The following EPHA5 variants were observed in gnomAD, a reference collection of about 807,000 sequenced individuals.
EPHA5 encodes the protein EPH receptor A5.
A neutral mutation model predicts 105.0 loss-of-function variants in EPHA5; 60 were observed. The ratio of observed to expected loss-of-function variants is 0.57; its 90% CI spans 0.46 to 0.71. EPHA5 has a LOEUF of 0.71. EPHA5 is among the 30% of genes least tolerant of loss of function. The pLI is 0.00. For missense variants in EPHA5, 1,218 were observed against 1,274.7 expected (o/e 0.96, Z 0.68); for synonymous variants, 513 against 449.1 (o/e 1.14, Z -1.80).
At position 65,669,856 on chromosome 4, in the gene EPHA5, A is replaced by T; in HGVS notation, c.-114T>A. The T allele has an allele frequency of 8.1e-7, 1 of 1,227,792 alleles. No individual in the cohort carries two copies. Among genetic ancestry groups the T allele is most frequent in the Non-Finnish European group, 1.0e-6 (1 of 984,852 alleles). 76.1% of individuals were successfully genotyped at this position (1,227,792 alleles called of 1,614,324 possible). On this transcript the variant is annotated 5_prime_UTR_variant, in exon 1 of 17. Transcript: ENST00000613740. ...CCTCCTTGTCCCCCCTTGGGGTCCT[A>T]CGCCTTCTGGCACGCGGCTCCTCCA... is the stretch of plus-strand genomic sequence containing the variant.
At chr4:65,596,493 CAAACAAA>C (rs1018502935) in intron 3 of EPHA5, among the ~76,000 whole-genome samples, 2 of 151,826 alleles carry the variant, frequency 1.3e-5, no homozygotes, top group African/African-American at 2.4e-5. Context: ...AAAAAACAAA[CAAACAAA>C]AAACAAAAAA....
At chr4:65,540,808 G>T (rs1736750652) in intron 3 of EPHA5, among the ~76,000 whole-genome samples, 1 of 147,466 alleles carries the variant, frequency 6.8e-6, no homozygotes. Context: ...TTAATGGTAT[G>T]AGTTTCAGAG....
intron 16 of EPHA5, chr4:65,331,185 G>T: frequency 9.7e-7 from 1 of 1,027,344 alleles, no homozygotes; most frequent in Non-Finnish European, 1.2e-6. Context: ...ATATTCACAG[G>T]TTAAAACATT....
chr4:65,513,719 C>CT (rs1342357630), intron 3 of EPHA5, among the ~76,000 whole-genome samples: 1 of 152,064 alleles, frequency 6.6e-6, no homozygotes, highest in Non-Finnish European at 1.5e-5. Context: ...AAATCTTTCA[C>CT]TTTTTTTGTG....
At chr4:65,514,422 G>A (rs1408458488) in intron 3 of EPHA5, among the ~76,000 whole-genome samples, 1 of 152,140 alleles carries the variant, frequency 6.6e-6, no homozygotes, top group Admixed American at 6.6e-5. Context: ...ATACTCAAGA[G>A]GCCACATGAA....
chr4:65,643,861 A>G (rs973716598), intron 1 of EPHA5, among the ~76,000 whole-genome samples: 3 of 152,052 alleles, frequency 2.0e-5, no homozygotes, highest in African/African-American at 7.2e-5. Flanking sequence ...TGCAGCAATT[A>G]ACAAATAATT....
At chr4:65,555,109 A>G (rs1273042549) in intron 3 of EPHA5, among the ~76,000 whole-genome samples, 2 of 151,270 alleles carry the variant, frequency 1.3e-5, no homozygotes, top group South Asian at 2.1e-4. Context: ...CATTTCCACT[A>G]TACCAAAGTT....
In EPHA5 at chr4:65,348,815, A is replaced by ATTTTT. The variant is rs10633855; in HGVS notation, c.2446-617_2446-613dup. On this transcript the variant is annotated intron_variant, in intron 13 of 16. Transcript: ENST00000613740. The stretch of plus-strand genomic sequence containing the variant: ...TGTGTATATATATATATATATATAT[A>ATTTTT]TTTTTTTTTTTTTTTTTTGAGACAG... Among the ~76,000 whole-genome samples the ATTTTT allele has an allele frequency of 9.8e-3, 629 of 64,088 alleles. 115 individuals are homozygous for ATTTTT. The highest frequency in any genetic ancestry group is 0.053 in the Middle Eastern group (2 of 38). The allele number at this position is 64,088 out of a possible 152,430, so 42.0% of individuals were successfully genotyped here. A position where few individuals can be genotyped will look rare whatever the true frequency, so the allele number is the denominator to read the frequency against.
At chr4:65,643,518 G>T (rs564749493) in intron 1 of EPHA5, 91 bp from the exon 2 acceptor site, 3 of 1,057,146 alleles carry the variant, frequency 2.8e-6, no homozygotes, top group African/African-American at 1.6e-5. Context: ...ATTGCATGTT[G>T]TTTACATAAC....
At position 65,601,943 on chromosome 4, in the gene EPHA5, C is replaced by G. The variant is rs1743778715; in HGVS notation, c.608G>C (p.Gly203Ala). The G allele has an allele frequency of 6.2e-7, 1 of 1,614,004 alleles. No homozygotes were observed. Among genetic ancestry groups the G allele is most frequent in the African/African-American group, 1.3e-5 (1 of 74,902 alleles). The change falls in exon 3 of 17, where the codon GGA (glycine) becomes GCA (alanine). Residue 203 changes from glycine (G) to alanine (A), a missense_variant. Physicochemically the swap from Gly to Ala is moderately conservative, Grantham distance 60. Coordinates refer to ENST00000613740, the MANE Select transcript of EPHA5 (RefSeq NM_001281766.3). ...MKLNTEVRDVGPLSKKGFYLA... is the reference protein window; with the variant it reads ...MKLNTEVRDVAPLSKKGFYLA... Reference sequence around the variant, plus strand: ...ATAAAATCCCTTTTTGCTTAGAGGTCCTACATCTCTGACCTCTGTATTCAG... The same window carrying G: ...ATAAAATCCCTTTTTGCTTAGAGGTGCTACATCTCTGACCTCTGTATTCAG...
intron 1 of EPHA5, among the ~76,000 whole-genome samples, chr4:65,654,064 G>A (rs1178130477): frequency 1.3e-5 from 2 of 151,886 alleles, no homozygotes; most frequent in East Asian, 3.9e-4. Context: ...CTGCTGACAT[G>A]GCTATCGGTG....
chr4:65,420,466 T>C lies in EPHA5; in HGVS notation c.1502A>G (p.Glu501Gly), dbSNP rs1336932575. The C allele has an allele frequency of 1.9e-6, 3 of 1,610,992 alleles. No individual in the cohort carries two copies. Among genetic ancestry groups the C allele is most frequent in the Non-Finnish European group, 2.5e-6 (3 of 1,178,424 alleles). The change falls in exon 6 of 17, where the codon GAG becomes GGG. Residue 501 changes from glutamate to glycine, a missense_variant. Glu to Gly is a moderately conservative substitution (Grantham distance 98, BLOSUM62 -2). This residue lies in a region of EPHA5 where 971 missense variants were observed against 1,013.5 expected (regional missense o/e 0.96). Coordinates refer to ENST00000613740, the MANE Select transcript of EPHA5 (RefSeq NM_001281766.3). ...CTTTTCAAAATACTTGATTTCATAC[T>C]CTAGGATGATTCCATTGGGACGATC... Reference protein sequence around the residue: ...EPDRPNGIILEYEIKYFEKDQ... With the variant: ...EPDRPNGIILGYEIKYFEKDQ...
chr4:65,328,890 G>A (rs7437971), intron 16 of EPHA5, among the ~76,000 whole-genome samples: 25,074 of 150,936 alleles, frequency 0.17, 2,261 homozygotes, highest in East Asian at 0.34. Context: ...CAATTAATCT[G>A]TAAAGATTTT....
chr4:65,592,754 T>G (rs1742792941), intron 3 of EPHA5, among the ~76,000 whole-genome samples: 1 of 152,140 alleles, frequency 6.6e-6, no homozygotes. Flanking sequence ...AACAATCAAC[T>G]AAGAAACATT....
intron 3 of EPHA5, among the ~76,000 whole-genome samples, chr4:65,539,221 T>C (rs1736587305): frequency 6.6e-6 from 1 of 151,618 alleles, no homozygotes; most frequent in Admixed American, 6.6e-5. Context: ...AAATGAGCTG[T>C]GGAAACTCTG....
intron 3 of EPHA5, among the ~76,000 whole-genome samples, chr4:65,513,880 A>G (rs1012483749): frequency 1.3e-5 from 2 of 151,978 alleles, no homozygotes; most frequent in East Asian, 1.9e-4. Flanking sequence ...TCCCTTACCT[A>G]TTGAATCTTC....
At position 65,367,363 on chromosome 4, in the gene EPHA5, C is replaced by T. The variant is rs1718014994; in HGVS notation, c.1855G>A (p.Gly619Arg). The T allele has an allele frequency of 2.5e-6, 4 of 1,610,932 alleles. No individual in the cohort carries two copies. The highest frequency in any genetic ancestry group is 2.5e-6 in the Non-Finnish European group (3 of 1,178,826). The change falls in exon 9 of 17, where the codon GGG (glycine) becomes AGG (arginine). Residue 619 changes from glycine (G) to arginine (R), a missense_variant. By Grantham distance (125) the Gly-to-Arg change is moderately radical. Around this residue, in one of 3 missense-constraint regions of EPHA5, gnomAD observed 971 missense variants for 1,013.5 expected, o/e 0.96. Coordinates refer to ENST00000613740, the MANE Select transcript of EPHA5 (RefSeq NM_001281766.3). ...TTTTTTACAATTTGCTTACTGTGCC[C>T]ATTATGAAAATGCATCTTTTCCTCT... The part of the protein sequence containing the change: ...PEEEKMHFHN[G>R]HIKLPGVRTY...
chr4:65,634,643 A>G lies in EPHA5; in HGVS notation c.246+8720T>C, dbSNP rs1028341018. Among the ~76,000 whole-genome samples the G allele has an allele frequency of 3.9e-5, 6 of 152,164 alleles. No homozygotes were observed. In the East Asian group the frequency reaches 5.8e-4, roughly 15 times the overall value. Reference sequence around the variant, plus strand: ...CTACTTTGGATCAGGCTTGTTCTTCATTATATTGGCATTTGCATTATATAT... The same window carrying G: ...CTACTTTGGATCAGGCTTGTTCTTCGTTATATTGGCATTTGCATTATATAT... On this transcript the variant is annotated intron_variant, in intron 2 of 16. Transcript: ENST00000613740.
chr4:65,414,416 T>C lies in EPHA5; in HGVS notation c.1555A>G (p.Lys519Glu), dbSNP rs747216262. The change falls in exon 7 of 17, where the codon AAA becomes GAA. Residue 519 changes from lysine (K) to glutamate (E), a missense_variant. Coordinates refer to ENST00000613740, the MANE Select transcript of EPHA5 (RefSeq NM_001281766.3). ...GCAGTAATAGTTGTCTCTTTAGATTTGATAATCGTGTAGCTGGTCTCTTGG... is the reference window on the plus strand; with the variant it reads ...GCAGTAATAGTTGTCTCTTTAGATTCGATAATCGTGTAGCTGGTCTCTTGG... Reference protein sequence around the residue: ...KDQETSYTIIKSKETTITAEG... With the variant: ...KDQETSYTIIESKETTITAEG... 6.2e-7 allele frequency: 1 copy of C among 1,613,968 alleles called. No individual in the cohort carries two copies. The highest frequency in any genetic ancestry group is 8.5e-7 in the Non-Finnish European group (1 of 1,179,884).
Sources: gnomAD v4.1 joint callset for allele counts (sites outside exome capture counted in the v4.1 genomes callset) on GRCh38, gnomAD v4.1.1 for gene constraint, gnomAD v4.1.1 regional missense constraint, MANE v1.5 for transcripts, NCBI Gene and HGNC (gene_info 2026-07-23, HGNC 2026-07-21) for gene names.